The following KLF13 variants were observed in gnomAD, a reference collection of about 807,000 sequenced individuals.
The protein encoded by KLF13 is Krueppel-like factor 13.
Under a neutral mutation model 16.7 loss-of-function variants are expected in KLF13, and 8 were observed. That is an observed-to-expected ratio of 0.48 (90% CI 0.28 to 0.87). The LOEUF (loss-of-function observed/expected upper bound fraction) is 0.87. Ranked by LOEUF, KLF13 falls within the 40% of genes least tolerant of loss-of-function variation. The pLI is 0.10. For synonymous variants in KLF13, 245 were observed against 208.4 expected, an observed-to-expected ratio of 1.18 and a Z score of -1.51; for missense variants, 447 against 452.2, an observed-to-expected ratio of 0.99 and a Z score of 0.10.
intron 1 of KLF13, among the ~76,000 whole-genome samples, chr15:31,351,396 T>C (rs2039213684): frequency 6.6e-6 from 1 of 152,236 alleles, no homozygotes; most frequent in African/African-American, 2.4e-5. Flanking sequence ...CAAGTCATTT[T>C]CTGTTCTACA....
chr15:31,409,334 G>A (rs2040164583), downstream of KLF13, among the ~76,000 whole-genome samples: 1 of 152,026 alleles, frequency 6.6e-6, no homozygotes. Flanking sequence ...TCATCTAAGA[G>A]CTGTGGGACA....
chr15:31,363,742 T>A (rs2039422707), intron 1 of KLF13, among the ~76,000 whole-genome samples: 1 of 152,248 alleles, frequency 6.6e-6, no homozygotes, highest in Admixed American at 6.5e-5. Flanking sequence ...TGCCTCAGCC[T>A]CCCAAAGTGC....
chr15:31,327,139 TC>T lies in KLF13; in HGVS notation c.-71del. 1.1e-6 allele frequency: 1 copy of T among 948,688 alleles called. No homozygotes were observed. The allele number at this position is 948,688 out of a possible 1,614,324, so 58.8% of individuals were successfully genotyped here. ...CCGCGCCCCCGCCCCCCGCCCGCTC[TC>T]CCGAGGCCGTGGGTGCGGATGCGCG... On this transcript the variant is annotated 5_prime_UTR_variant, in exon 1 of 2. Transcript: ENST00000307145.
At chr15:31,362,642 A>G (rs1347322199) in intron 1 of KLF13, among the ~76,000 whole-genome samples, 1 of 152,220 alleles carries the variant, frequency 6.6e-6, no homozygotes, top group Non-Finnish European at 1.5e-5. Context: ...TAGGAAATGC[A>G]TTTGTGTGTT....
intron 1 of KLF13, among the ~76,000 whole-genome samples, chr15:31,421,932 G>A (rs1290495106): frequency 1.3e-5 from 2 of 152,078 alleles, no homozygotes; most frequent in African/African-American, 4.8e-5. Flanking sequence ...TGGCCAACAT[G>A]ATGAAACCCC....
chr15:31,372,069 G>A lies in KLF13; in HGVS notation c.637G>A (p.Glu213Lys). ...DCNKKFARSD[E>K]LARHYRTHTG... ...CAACAAGAAGTTCGCGCGCTCCGACGAGCTGGCGCGGCACTACCGCACACA... is the reference window on the plus strand; with the variant it reads ...CAACAAGAAGTTCGCGCGCTCCGACAAGCTGGCGCGGCACTACCGCACACA... Residue 213 changes from glutamate (E) to lysine (K), a missense_variant, in exon 2 of 2, where the codon GAG becomes AAG. Physicochemically the swap from Glu to Lys is moderately conservative, Grantham distance 56. Around this residue, in one of 2 missense-constraint regions of KLF13, gnomAD observed 88 missense variants for 169.5 expected, o/e 0.52. Coordinates refer to ENST00000307145, the MANE Select transcript of KLF13 (RefSeq NM_015995.4). 6.2e-7 allele frequency: 1 copy of A among 1,612,640 alleles called. No individual in the cohort carries two copies.
upstream of KLF13, among the ~76,000 whole-genome samples, chr15:31,391,733 G>A (rs1006110067): frequency 1.3e-5 from 2 of 152,174 alleles, no homozygotes; most frequent in Non-Finnish European, 2.9e-5. Flanking sequence ...GGCTGTGTGG[G>A]GCTGTGTGGG....
downstream of KLF13, among the ~76,000 whole-genome samples, chr15:31,380,571 G>A (rs2039711381): frequency 6.6e-6 from 1 of 152,196 alleles, no homozygotes; most frequent in African/African-American, 2.4e-5. Context: ...CCTTTTCTGG[G>A]TTGGGTTTGG....
At chr15:31,336,779 C>T (rs1003182240) in intron 1 of KLF13, among the ~76,000 whole-genome samples, 17 of 152,028 alleles carry the variant, frequency 1.1e-4, no homozygotes, top group Admixed American at 2.6e-4. Flanking sequence ...TCATTGGTCT[C>T]GGGTTACCAA....
chr15:31,422,430 T>C (rs373975670), intron 1 of KLF13, among the ~76,000 whole-genome samples: 2 of 152,174 alleles, frequency 1.3e-5, no homozygotes, highest in Admixed American at 6.5e-5. Context: ...GGGGAAACGG[T>C]AGATGCTTAT....
At chr15:31,363,767 T>C (rs1294993328) in intron 1 of KLF13, among the ~76,000 whole-genome samples, 1 of 152,216 alleles carries the variant, frequency 6.6e-6, no homozygotes, top group African/African-American at 2.4e-5. Flanking sequence ...ATTACAGGCA[T>C]GAGCCACCAT....
intron 1 of KLF13, among the ~76,000 whole-genome samples, chr15:31,364,910 A>AC (rs2039442328): frequency 6.6e-6 from 1 of 151,636 alleles, no homozygotes; most frequent in Non-Finnish European, 1.5e-5. Flanking sequence ...TAGGAAGTCC[A>AC]CCCCCCACCA....
chr15:31,328,488 C>T (rs2038762728), intron 1 of KLF13, among the ~76,000 whole-genome samples: 2 of 152,070 alleles, frequency 1.3e-5, no homozygotes, highest in African/African-American at 4.8e-5. Context: ...CGGGGGCGCG[C>T]CCGGCCCTAG....
chr15:31,424,145 A>T (rs377760597), intron 1 of KLF13, among the ~76,000 whole-genome samples: 1 of 152,186 alleles, frequency 6.6e-6, no homozygotes, highest in Non-Finnish European at 1.5e-5. Flanking sequence ...TCACTGGAGA[A>T]TTCTACCAAA....
rs544577582 is a variant in KLF13 at position 31,387,567 on chromosome 15, T to G, written n.224-47803T>G. Among the ~76,000 whole-genome samples, 18 of 152,366 alleles carry G rather than the reference T, an allele frequency of 1.2e-4. No homozygotes were observed. In the East Asian group the frequency reaches 3.5e-3, roughly 29 times the overall value. On this transcript the variant is annotated intron_variant and non_coding_transcript_variant, in intron 1 of 1. Coordinates refer to the KLF13 transcript ENST00000558921. ...CACTTTATTGTGATATTTGCTTTAT[T>G]GCAGTGGTCTGGAACCAAACCCACA... is the stretch of plus-strand genomic sequence containing the variant.
downstream of KLF13, among the ~76,000 whole-genome samples, chr15:31,408,102 A>G (rs576950579): frequency 6.6e-6 from 1 of 152,342 alleles, no homozygotes; most frequent in East Asian, 1.9e-4. Context: ...AGATGACAAA[A>G]TGGTACATCT....
intron 1 of KLF13, among the ~76,000 whole-genome samples, chr15:31,348,786 C>A (rs1017145261): frequency 1.3e-5 from 2 of 152,214 alleles, no homozygotes; most frequent in East Asian, 3.9e-4. Flanking sequence ...AAATAAACAA[C>A]AAGTTTATTT....
chr15:31,410,759 G>A (rs12594811), intron 1 of KLF13, among the ~76,000 whole-genome samples: 84,188 of 151,888 alleles, frequency 0.55, 24,232 homozygotes, highest in South Asian at 0.67. Flanking sequence ...AACAGAGTTC[G>A]AAATACATAA....
At chr15:31,397,876 G>T (rs984481071) in intron 2 of KLF13, among the ~76,000 whole-genome samples, 2 of 149,632 alleles carry the variant, frequency 1.3e-5, no homozygotes, top group East Asian at 1.9e-4. Context: ...GGTGGCGGCG[G>T]GGGGGGTGGT....
Sources: gnomAD v4.1 joint callset for allele counts (sites outside exome capture counted in the v4.1 genomes callset) on GRCh38, gnomAD v4.1.1 for gene constraint, gnomAD v4.1.1 regional missense constraint, MANE v1.5 for transcripts, NCBI Gene and HGNC (gene_info 2026-07-23, HGNC 2026-07-21) for gene names.